HIVEP3: variants seen among roughly 807,000 people sequenced by gnomAD.
The protein encoded by HIVEP3 is HIVEP zinc finger 3.
HIVEP3 carries 49 observed loss-of-function variants against 152.8 expected under a neutral mutation model. The ratio of observed to expected loss-of-function variants is 0.32; its 90% CI spans 0.26 to 0.41. The LOEUF is 0.41. HIVEP3 is among the 10% of genes least tolerant of loss of function. The probability of loss-of-function intolerance (pLI) is 1.00; values close to 1 mark genes in which losing one functional copy is unlikely to be tolerated. For missense variants in HIVEP3, 2,790 were observed against 3,103.3 expected (o/e 0.90, Z 2.40); for synonymous variants, 1,269 against 1,289.0 (o/e 0.98, Z 0.33).
At chr1:41,545,563 TCAC>T (rs61153724) in intron 5 of HIVEP3, among the ~76,000 whole-genome samples, 31,116 of 52,322 alleles carry the variant, frequency 0.59, 7,889 homozygotes, top group Non-Finnish European at 0.65. Context: ...ATCACTACCA[TCAC>T]CACCACCACC....
At chr1:41,912,417 C>T (rs1233814761) in intron 1 of HIVEP3, among the ~76,000 whole-genome samples, 1 of 152,194 alleles carries the variant, frequency 6.6e-6, no homozygotes, top group African/African-American at 2.4e-5. Context: ...TATCAAATTG[C>T]TGCAGTTCCT....
At chr1:41,631,124 G>A (rs1279028899) in intron 2 of HIVEP3, among the ~76,000 whole-genome samples, 1 of 152,248 alleles carries the variant, frequency 6.6e-6, no homozygotes, top group African/African-American at 2.4e-5. Flanking sequence ...GTTTCAGTCA[G>A]TGGTGGCGTG....
chr1:41,950,186 G>A (rs2124490888), intron 1 of HIVEP3, among the ~76,000 whole-genome samples: 1 of 152,316 alleles, frequency 6.6e-6, no homozygotes, highest in Admixed American at 6.5e-5. Context: ...TCGTCTGAGA[G>A]CATAATGGAA....
chr1:41,710,335 C>G (rs1646494259), intron 1 of HIVEP3, among the ~76,000 whole-genome samples: 1 of 152,178 alleles, frequency 6.6e-6, no homozygotes, highest in South Asian at 2.1e-4. Flanking sequence ...CAGAGAAGAG[C>G]AAGGGTGTTC....
In HIVEP3 at chr1:41,744,081, C is replaced by T. The variant is rs539287467; in HGVS notation, c.-800-43086G>A. 3.9e-5 allele frequency among the ~76,000 whole-genome samples: 6 copies of T among 152,148 alleles called. No individual in the cohort carries two copies. The South Asian group carries it at 6.2e-4, about 16-fold the overall frequency. On this transcript the variant is annotated intron_variant, in intron 1 of 8. Transcript: ENST00000372583. ...TTGAGACGGAGTCTCACTCTGTCGC[C>T]GATGCTGGAGTGCAGTGATGCGATC...
chr1:41,908,026 G>GTA (rs1254718619), intron 1 of HIVEP3, among the ~76,000 whole-genome samples: 1 of 152,040 alleles, frequency 6.6e-6, no homozygotes, highest in Non-Finnish European at 1.5e-5. Context: ...AGATAGGAGG[G>GTA]TACAACTCTG....
intron 1 of HIVEP3, among the ~76,000 whole-genome samples, chr1:41,899,727 G>A (rs1570768138): frequency 2.0e-5 from 3 of 152,286 alleles, no homozygotes; most frequent in East Asian, 1.9e-4. Context: ...TAATGAGCAC[G>A]CTCATGAAAG....
chr1:41,534,836 C>T (rs1027000539), intron 5 of HIVEP3, among the ~76,000 whole-genome samples: 1 of 152,166 alleles, frequency 6.6e-6, no homozygotes, highest in South Asian at 2.1e-4. Context: ...CCTTGATGGG[C>T]GCATACGCTG....
At chr1:41,527,258 C>CTCATACACCCCCACACACCCTCACACCT in intron 5 of HIVEP3, among the ~76,000 whole-genome samples, 1 of 130,514 alleles carries the variant, frequency 7.7e-6, no homozygotes, top group African/African-American at 2.9e-5. Flanking sequence ...CACACACACC[C>CTCATACACCCCCACACACCCTCACACCT]TCACATGCTC....
chr1:41,660,861 C>A (rs1439198107), intron 2 of HIVEP3, among the ~76,000 whole-genome samples: 2 of 152,186 alleles, frequency 1.3e-5, no homozygotes, highest in Admixed American at 6.5e-5. Context: ...AACAGGGAAA[C>A]CTTTACTGGT....
In HIVEP3 at chr1:41,749,451, G is replaced by A. The variant is rs1647124813; in HGVS notation, c.-800-48456C>T. 3.6e-5 allele frequency among the ~76,000 whole-genome samples: 3 copies of A among 82,320 alleles called. No individual in the cohort carries two copies. In the South Asian group the frequency reaches 1.1e-3, roughly 31 times the overall value. The allele number at this position is 82,320 out of a possible 152,430, so 54.0% of individuals were successfully genotyped here. On this transcript the variant is annotated intron_variant, in intron 1 of 8. Transcript: ENST00000372583. ...GTGTGTGATGGAGAGACAGAGAGAA[G>A]GAGACAGAGAGAATGAGAATAATTC...
chr1:41,546,545 A>G (rs1461049034), intron 5 of HIVEP3, among the ~76,000 whole-genome samples: 2 of 152,192 alleles, frequency 1.3e-5, no homozygotes, highest in East Asian at 3.8e-4. Flanking sequence ...TCATCTCCTG[A>G]AGCTGTGAGG....
At chr1:41,609,469 G>A (rs1644867852) in intron 3 of HIVEP3, among the ~76,000 whole-genome samples, 1 of 152,194 alleles carries the variant, frequency 6.6e-6, no homozygotes, top group African/African-American at 2.4e-5. Context: ...CTTTGGAGGT[G>A]GATAATCAGC....
intron 2 of HIVEP3, among the ~76,000 whole-genome samples, chr1:41,681,923 C>A (rs1407036429): frequency 6.6e-6 from 1 of 152,182 alleles, no homozygotes; most frequent in African/African-American, 2.4e-5. Context: ...AATGGTGAAG[C>A]CCTGCTCAGG....
chr1:41,990,931 TA>T (rs1430314288), intron 1 of HIVEP3, among the ~76,000 whole-genome samples: 8 of 132,380 alleles, frequency 6.0e-5, no homozygotes, highest in Non-Finnish European at 1.3e-4. Flanking sequence ...AAGGCAGAAA[TA>T]AAGATGTTCT....
intron 1 of HIVEP3, among the ~76,000 whole-genome samples, chr1:41,964,774 C>A (rs916906609): frequency 6.6e-6 from 1 of 152,186 alleles, no homozygotes; most frequent in Non-Finnish European, 1.5e-5. Flanking sequence ...GGGACAGAGC[C>A]CCTGGGGAAA....
At position 41,575,601 on chromosome 1, in the gene HIVEP3, T is replaced by C. The variant is rs1644315652; in HGVS notation, c.5150A>G (p.Glu1717Gly). Residue 1717 changes from glutamate (E) to glycine (G), a missense_variant, in exon 5 of 9, where the codon GAG becomes GGG. Physicochemically the swap from Glu to Gly is moderately conservative, Grantham distance 98. This residue lies in a region of HIVEP3 where 1,078 missense variants were observed against 1,165.3 expected (regional missense o/e 0.93). Transcript: ENST00000372583. ...KEEERRGEPEEDAPASQRGEP... is the reference protein window; with the variant it reads ...KEEERRGEPEGDAPASQRGEP... ...CCCTCTCTGGGAGGCAGGAGCATCC[T>C]CCTCCGGCTCCCCTCTCCTCTCTTC... is the stretch of plus-strand genomic sequence containing the variant. 1 of 1,613,718 alleles carries C rather than the reference T, an allele frequency of 6.2e-7. No homozygotes were observed. The highest frequency in any genetic ancestry group is 1.1e-5 in the South Asian group (1 of 91,062).
At chr1:41,653,858 G>A (rs1023438794) in intron 2 of HIVEP3, among the ~76,000 whole-genome samples, 36 of 147,826 alleles carry the variant, frequency 2.4e-4, no homozygotes, top group Non-Finnish European at 3.9e-4. Context: ...TCTGTGAATG[G>A]AGAATGAGGC....
At chr1:41,891,665 G>A (rs1226805548) in intron 1 of HIVEP3, among the ~76,000 whole-genome samples, 2 of 152,150 alleles carry the variant, frequency 1.3e-5, no homozygotes, top group African/African-American at 4.8e-5. Flanking sequence ...CCTGCTCACG[G>A]CACTCCCCAG....
Sources: allele counts gnomAD v4.1 joint callset (sites outside exome capture counted in the v4.1 genomes callset), GRCh38; gene constraint gnomAD v4.1.1; regional missense constraint gnomAD v4.1.1; transcripts MANE v1.5; gene names NCBI Gene and HGNC (gene_info 2026-07-23, HGNC 2026-07-21).